STX18: variants seen among roughly 807,000 people sequenced by gnomAD.
The protein encoded by STX18 is syntaxin-18.
A neutral mutation model predicts 50.1 loss-of-function variants in STX18; 40 were observed. That is an observed-to-expected ratio of 0.80 (90% CI 0.62 to 1.04). The LOEUF (loss-of-function observed/expected upper bound fraction) is 1.04, where lower values mean the gene tolerates loss of function less well. STX18 is among the 50% of genes least tolerant of loss of function. The pLI is 0.00. For synonymous variants in STX18, 158 were observed against 151.8 expected (o/e 1.04, Z -0.30); for missense variants, 410 against 415.8 (o/e 0.99, Z 0.12).
chr4:4,533,462 T>G (rs1001887623), intron 1 of STX18, among the ~76,000 whole-genome samples: 2 of 152,186 alleles, frequency 1.3e-5, no homozygotes, highest in Non-Finnish European at 1.5e-5. Context: ...AGAGAAAAAT[T>G]AAATGAGATC....
chr4:4,498,012 T>C (rs191700433), intron 1 of STX18, among the ~76,000 whole-genome samples: 1 of 152,322 alleles, frequency 6.6e-6, no homozygotes, highest in Admixed American at 6.5e-5. Context: ...TGATTACCAA[T>C]TCATGTAAGT....
rs73796007 is a variant in STX18 at position 4,450,235 on chromosome 4, C to T, written c.497+6956G>A. ...CTTTGGAAATTGAAAACCGTGAATT[C>T]GTGCCAATCTTTCATTTCCACCCAA... On this transcript the variant is annotated intron_variant, in intron 5 of 10. Transcript: ENST00000306200. Among the ~76,000 whole-genome samples, 1,426 of 152,288 alleles carry T rather than the reference C, an allele frequency of 9.4e-3. 20 individuals are homozygous for T. The highest frequency in any genetic ancestry group is 0.033 in the African/African-American group (1,363 of 41,562).
Position 4,537,180 on chromosome 4 carries a change from G to A in STX18, c.168+4617C>T, listed in dbSNP as rs2108932357. Among the ~76,000 whole-genome samples, 2 of 152,260 alleles carry A rather than the reference G, an allele frequency of 1.3e-5. 1 individual carries two copies. The highest frequency in any genetic ancestry group is 4.1e-4 in the South Asian group (2 of 4,822). ...AGAATAGAAGAGCTGCCACTATGAG[G>A]CATCTCTAGGCCTATCCTCACCCCA... On this transcript the variant is annotated intron_variant, in intron 1 of 10. Coordinates refer to ENST00000306200, the MANE Select transcript of STX18 (RefSeq NM_016930.4).
chr4:4,508,592 G>C (rs1267316340), intron 1 of STX18, among the ~76,000 whole-genome samples: 1 of 152,152 alleles, frequency 6.6e-6, no homozygotes, highest in Non-Finnish European at 1.5e-5. Flanking sequence ...TGCGCAGGAT[G>C]TGCAGGTTTG....
At chr4:4,517,192 T>C (rs1246022946) in intron 1 of STX18, among the ~76,000 whole-genome samples, 1 of 152,214 alleles carries the variant, frequency 6.6e-6, no homozygotes, top group Non-Finnish European at 1.5e-5. Context: ...CAGTACATTC[T>C]TCCCCTGATT....
chr4:4,437,783 C>T (rs558713569), intron 6 of STX18, among the ~76,000 whole-genome samples: 35 of 152,322 alleles, frequency 2.3e-4, no homozygotes, highest in African/African-American at 8.2e-4. Context: ...GGCATCCCTA[C>T]GCAGGGGTAC....
At chr4:4,472,696 T>C (rs867152272) in intron 1 of STX18, among the ~76,000 whole-genome samples, 3 of 152,126 alleles carry the variant, frequency 2.0e-5, no homozygotes, top group Non-Finnish European at 2.9e-5. Flanking sequence ...TCTTTGTCAG[T>C]GGCAGAACTA....
In STX18 at chr4:4,435,126, G is replaced by A. The variant is rs1477842252; in HGVS notation, c.614-268C>T. 3.3e-5 allele frequency among the ~76,000 whole-genome samples: 5 copies of A among 152,134 alleles called. No homozygotes were observed. In the East Asian group the frequency reaches 9.6e-4, roughly 29 times the overall value. ...CGGTTTCAGTATCGCACTGATGTCA[G>A]CAATGGCTGCAAACTAAATGGACAT... On this transcript the variant is annotated intron_variant, in intron 6 of 10. Coordinates refer to ENST00000306200, the MANE Select transcript of STX18 (RefSeq NM_016930.4).
intron 5 of STX18, among the ~76,000 whole-genome samples, chr4:4,445,593 A>T (rs1181673394): frequency 1.3e-5 from 2 of 149,822 alleles, no homozygotes; most frequent in African/African-American, 2.5e-5. Flanking sequence ...ACAATAGAAT[A>T]AAAAAAAAAT....
chr4:4,514,358 A>G (rs1730140034), intron 1 of STX18, among the ~76,000 whole-genome samples: 1 of 152,232 alleles, frequency 6.6e-6, no homozygotes, highest in Non-Finnish European at 1.5e-5. Flanking sequence ...CATGAATAAA[A>G]TTCATTCTCT....
At chr4:4,458,637 G>A (rs771501594) in intron 3 of STX18, among the ~76,000 whole-genome samples, 1 of 152,218 alleles carries the variant, frequency 6.6e-6, no homozygotes, top group Non-Finnish European at 1.5e-5. Context: ...CCATCTCATT[G>A]TCTCAGTGAG....
intron 1 of STX18, among the ~76,000 whole-genome samples, chr4:4,519,921 G>A (rs1019562427): frequency 6.6e-6 from 1 of 152,160 alleles, no homozygotes; most frequent in African/African-American, 2.4e-5. Context: ...TAGGATTGGT[G>A]AGCCAAGCCA....
At chr4:4,493,585 C>A (rs541969246) in intron 1 of STX18, among the ~76,000 whole-genome samples, 67 of 152,292 alleles carry the variant, frequency 4.4e-4, no homozygotes, top group African/African-American at 1.6e-3. Flanking sequence ...GTAGGCTGCA[C>A]ACTTCCACAG....
rs1376538654 is a variant in STX18, at chr4:4,507,818, A to G, written c.168+33979T>C. ...ACTAAATAAAATATATTCACAGTAA[A>G]AAAAAAAAAAAAAAAAAAAGTTAAA... On this transcript the variant is annotated intron_variant, in intron 1 of 10. Coordinates refer to ENST00000306200, the MANE Select transcript of STX18 (RefSeq NM_016930.4). 1.8e-4 allele frequency: 74 copies of G among 414,742 alleles called. 1 individual carries two copies. The Admixed American group carries it at 2.8e-3, about 16-fold the overall frequency. 25.7% of individuals were successfully genotyped at this position (414,742 alleles called of 1,614,324 possible).
intron 5 of STX18, among the ~76,000 whole-genome samples, chr4:4,439,767 G>T (rs1220291055): frequency 6.6e-6 from 1 of 152,052 alleles, no homozygotes; most frequent in African/African-American, 2.4e-5. Flanking sequence ...TCTGCACTTG[G>T]CATTCCCCTG....
chr4:4,468,108 CACTT>C (rs1292817315), intron 2 of STX18, among the ~76,000 whole-genome samples: 1 of 152,218 alleles, frequency 6.6e-6, no homozygotes, highest in Non-Finnish European at 1.5e-5. Flanking sequence ...CCTGAAAGTG[CACTT>C]TAAAACTTTT....
At chr4:4,445,382 G>A (rs1444223196) in intron 5 of STX18, among the ~76,000 whole-genome samples, 1 of 151,460 alleles carries the variant, frequency 6.6e-6, no homozygotes, top group African/African-American at 2.4e-5. Flanking sequence ...CTCTAGCCTG[G>A]GCAACAAGAA....
chr4:4,518,005 C>T (rs954423802), intron 1 of STX18, among the ~76,000 whole-genome samples: 2 of 152,122 alleles, frequency 1.3e-5, no homozygotes, highest in Non-Finnish European at 2.9e-5. Flanking sequence ...AAACTCCTGA[C>T]CTTGTGATCC....
rs140621563 is a variant in STX18, at chr4:4,420,389, AG to A, written c.913-261del. 9,731 of 486,266 alleles carry A rather than the reference AG, an allele frequency of 0.02. 721 individuals carry two copies. The highest frequency in any genetic ancestry group is 0.16 in the African/African-American group (8,414 of 51,546). 30.1% of individuals were successfully genotyped at this position (486,266 alleles called of 1,614,324 possible). ...TCTCGGAATCACTCCCTTCTGTCCC[AG>A]GGTTAAGGGCCCCGAGCAGAGTGTG... On this transcript the variant is annotated intron_variant, in intron 10 of 10. Transcript: ENST00000306200. This position sits in a 1 kb window ranked among gnomAD's most constrained non-coding sequence, Gnocchi z 4.3.
Sources: allele counts gnomAD v4.1 joint callset (sites outside exome capture counted in the v4.1 genomes callset), GRCh38; gene constraint gnomAD v4.1.1; non-coding constraint Gnocchi (gnomAD v3.1); transcripts MANE v1.5; gene names NCBI Gene and HGNC (gene_info 2026-07-23, HGNC 2026-07-21).